SLIT2: variants seen among roughly 807,000 people sequenced by gnomAD.
SLIT2 encodes the protein slit homolog 2 protein.
Under a neutral mutation model 185.7 loss-of-function variants are expected in SLIT2, and 41 were observed. That is an observed-to-expected ratio of 0.22 (90% CI 0.17 to 0.29). The LOEUF is 0.29. Ranked by LOEUF, SLIT2 falls within the 10% of genes least tolerant of loss-of-function variation. The probability of loss-of-function intolerance (pLI) is 1.00; values close to 1 mark genes in which losing one functional copy is unlikely to be tolerated. For synonymous variants in SLIT2, 693 were observed against 680.2 expected (o/e 1.02, Z -0.29); for missense variants, 1,571 against 1,909.0 (o/e 0.82, Z 3.30).
chr4:20,597,068 GT>G (rs562211138), intron 32 of SLIT2, among the ~76,000 whole-genome samples: 2,386 of 135,018 alleles, frequency 0.018, 46 homozygotes, highest in African/African-American at 0.058. Flanking sequence ...TTGTTTTGTT[GT>G]TTTTTTTTTT....
At chr4:20,577,749 T>G (rs7666974) in intron 29 of SLIT2, among the ~76,000 whole-genome samples, 112,493 of 152,120 alleles carry the variant, frequency 0.74, 42,800 homozygotes, top group East Asian at 0.97. Flanking sequence ...TCTGTAGGAG[T>G]AGAGAGAATG....
intron 10 of SLIT2, 59 bp from the exon 11 acceptor site, chr4:20,511,007 C>T (rs1719651168): frequency 9.2e-7 from 1 of 1,083,424 alleles, no homozygotes; most frequent in Non-Finnish European, 1.4e-6. Context: ...ATAGCTTTTT[C>T]CGCAGTAAAT....
intron 9 of SLIT2, among the ~76,000 whole-genome samples, chr4:20,508,857 G>A (rs1002824338): frequency 6.6e-6 from 1 of 152,044 alleles, no homozygotes; most frequent in Non-Finnish European, 1.5e-5. Context: ...CCATTGAATG[G>A]TGAAATAAAG....
intron 9 of SLIT2, among the ~76,000 whole-genome samples, chr4:20,494,231 T>C (rs1209071696): frequency 2.6e-5 from 4 of 152,106 alleles, no homozygotes; most frequent in African/African-American, 9.7e-5. Flanking sequence ...TCAGTGACAG[T>C]AGGAATGGTG....
intron 24 of SLIT2, 23 bp from the exon 25 acceptor site, chr4:20,550,804 A>AT: frequency 6.6e-7 from 1 of 1,520,142 alleles, no homozygotes; most frequent in Non-Finnish European, 9.1e-7. Context: ...AGGAAGTTTA[A>AT]TTTTTCTTTT....
At chr4:20,346,800 G>A (rs755579629) in intron 4 of SLIT2, among the ~76,000 whole-genome samples, 1 of 152,196 alleles carries the variant, frequency 6.6e-6, no homozygotes, top group Non-Finnish European at 1.5e-5. Context: ...AGAACTTGGA[G>A]TCTGATATTC....
In SLIT2 at chr4:20,404,999, A is replaced by T. The variant is rs899684187; in HGVS notation, c.396-62753A>T. Among the ~76,000 whole-genome samples the T allele has an allele frequency of 6.8e-5, 10 of 148,068 alleles. No homozygotes were observed. In the East Asian group the frequency reaches 2.0e-3, roughly 29 times the overall value. Reference sequence around the variant, plus strand: ...TCTGTAAAAGATTTTATTTGTATATAATTCTCTGATTTTTGAAGTGAGGGA... The same window carrying T: ...TCTGTAAAAGATTTTATTTGTATATTATTCTCTGATTTTTGAAGTGAGGGA... On this transcript the variant is annotated intron_variant, in intron 4 of 36. Coordinates refer to ENST00000504154, the MANE Select transcript of SLIT2 (RefSeq NM_004787.4).
chr4:20,522,256 C>T (rs749681497), intron 12 of SLIT2, among the ~76,000 whole-genome samples: 1 of 152,054 alleles, frequency 6.6e-6, no homozygotes, highest in Admixed American at 6.6e-5. Context: ...ATAAAACTGT[C>T]CTGTATGTGT....
At chr4:20,564,420 T>G (rs544642209) in intron 26 of SLIT2, among the ~76,000 whole-genome samples, 1 of 151,894 alleles carries the variant, frequency 6.6e-6, no homozygotes, top group Non-Finnish European at 1.5e-5. Context: ...AATTACAAGC[T>G]ACATAAAATA....
chr4:20,416,853 G>C (rs1452349707), intron 4 of SLIT2, among the ~76,000 whole-genome samples: 1 of 151,922 alleles, frequency 6.6e-6, no homozygotes, highest in African/African-American at 2.4e-5. Flanking sequence ...AAATGTCCCT[G>C]TTCAGTTAAA....
chr4:20,332,311 T>C (rs1475008571), intron 4 of SLIT2, among the ~76,000 whole-genome samples: 1 of 152,144 alleles, frequency 6.6e-6, no homozygotes, highest in East Asian at 1.9e-4. Flanking sequence ...TTTATTCCTG[T>C]TCTTTGGGGA....
chr4:20,618,637 CA>C (rs1445733667), intron 36 of SLIT2, 130 bp from the exon 37 acceptor site: 2 of 880,444 alleles, frequency 2.3e-6, no homozygotes, highest in African/African-American at 3.3e-5. Flanking sequence ...GCCGTGCCAC[CA>C]GCTAATAATA....
intron 4 of SLIT2, among the ~76,000 whole-genome samples, chr4:20,313,584 G>A (rs554505585): frequency 3.7e-4 from 57 of 152,146 alleles, no homozygotes; most frequent in African/African-American, 1.3e-3. Context: ...TTCTTTTTTA[G>A]TATATCCACT....
At chr4:20,490,804 T>C in intron 8 of SLIT2, 1 of 1,519,786 alleles carries the variant, frequency 6.6e-7, no homozygotes, top group Non-Finnish European at 8.8e-7. Context: ...GTTTTCTAGA[T>C]GAGGAAGAAG....
chr4:20,383,887 A>T (rs920553663), intron 4 of SLIT2, among the ~76,000 whole-genome samples: 2 of 151,658 alleles, frequency 1.3e-5, no homozygotes, highest in African/African-American at 4.8e-5. Flanking sequence ...AGTATTTTTG[A>T]TAGAGATGGG....
intron 4 of SLIT2, among the ~76,000 whole-genome samples, chr4:20,344,504 G>T (rs756226229): frequency 3.2e-4 from 48 of 152,244 alleles, no homozygotes; most frequent in Non-Finnish European, 3.7e-4. Flanking sequence ...GATGTTGCCA[G>T]GGCATATAAG....
chr4:20,540,291 G>GAA (rs569255349), intron 19 of SLIT2, among the ~76,000 whole-genome samples: 1 of 133,402 alleles, frequency 7.5e-6, no homozygotes, highest in Admixed American at 7.6e-5. Context: ...CCATCTCAAG[G>GAA]AAAAAAAAAA....
chr4:20,529,856 C>T (rs1420784391), intron 16 of SLIT2, among the ~76,000 whole-genome samples: 1 of 152,126 alleles, frequency 6.6e-6, no homozygotes, highest in Non-Finnish European at 1.5e-5. Context: ...TTATATATAG[C>T]ACCATCTGGT....
chr4:20,468,750 A>G (rs1167010728), intron 5 of SLIT2, among the ~76,000 whole-genome samples: 1 of 152,118 alleles, frequency 6.6e-6, no homozygotes, highest in East Asian at 1.9e-4. Flanking sequence ...GCTGAGATTA[A>G]CTGTCAGGAA....
Sources: gnomAD v4.1 joint callset for allele counts (sites outside exome capture counted in the v4.1 genomes callset) on GRCh38, gnomAD v4.1.1 for gene constraint, MANE v1.5 for transcripts, NCBI Gene and HGNC (gene_info 2026-07-23, HGNC 2026-07-21) for gene names.